ARHGEF10L: variants seen among roughly 807,000 people sequenced by gnomAD.
ARHGEF10L encodes rho guanine nucleotide exchange factor 10-like protein.
A neutral mutation model predicts 141.2 loss-of-function variants in ARHGEF10L; 69 were observed. That is an observed-to-expected ratio of 0.49 (90% confidence interval 0.40 to 0.60). ARHGEF10L has a LOEUF of 0.60. Among genes scored for constraint, ARHGEF10L ranks in the 20% least tolerant of loss-of-function variants. ARHGEF10L has a pLI of 0.00. For synonymous variants in ARHGEF10L, 711 were observed against 718.5 expected, an observed-to-expected ratio of 0.99 and a Z score of 0.17; for missense variants, 1,482 against 1,734.3, an observed-to-expected ratio of 0.85 and a Z score of 2.58.
intron 26 of ARHGEF10L, among the ~76,000 whole-genome samples, chr1:17,676,633 G>A (rs749844600): frequency 7.9e-5 from 12 of 151,970 alleles, no homozygotes; most frequent in East Asian, 1.9e-4. Context: ...TGAGGCAGAC[G>A]TGATAGAACA....
rs990138964 is a variant in ARHGEF10L, at chr1:17,656,864, C to T, written c.2860+156C>T. ...GAGATCCGTGAGCCCCGCTGGGGTT[C>T]AATGGGTGGTCCCCCATATGTGAAT... On this transcript the variant is annotated intron_variant, in intron 25 of 28. Coordinates refer to ENST00000361221, the MANE Select transcript of ARHGEF10L (RefSeq NM_018125.4). This position sits in a 1 kb window ranked among gnomAD's most constrained non-coding sequence, Gnocchi z 4.9. 1.3e-5 allele frequency among the ~76,000 whole-genome samples: 2 copies of T among 152,188 alleles called. No homozygotes were observed. Among genetic ancestry groups the T allele is most frequent in the African/African-American group, 4.8e-5 (2 of 41,436 alleles).
chr1:17,585,186 G>A (rs989277503), intron 2 of ARHGEF10L, among the ~76,000 whole-genome samples: 7 of 152,268 alleles, frequency 4.6e-5, no homozygotes, highest in South Asian at 2.1e-4. Flanking sequence ...AACTGCGTCC[G>A]AAAACCACAG....
chr1:17,662,465 G>C (rs139586198), intron 25 of ARHGEF10L, among the ~76,000 whole-genome samples: 1 of 152,330 alleles, frequency 6.6e-6, no homozygotes, highest in South Asian at 2.1e-4. Flanking sequence ...GGACTGCCCT[G>C]CTCTGCCTGC....
chr1:17,669,197 A>G (rs78916876), intron 26 of ARHGEF10L, among the ~76,000 whole-genome samples: 9,575 of 152,224 alleles, frequency 0.063, 800 homozygotes, highest in African/African-American at 0.18. Flanking sequence ...GAGCCGTTCA[A>G]TGCTCCAAGC....
intron 25 of ARHGEF10L, among the ~76,000 whole-genome samples, chr1:17,658,937 G>C (rs953121245): frequency 1.3e-5 from 2 of 152,150 alleles, no homozygotes; most frequent in South Asian, 4.1e-4. Flanking sequence ...AACAGTATAC[G>C]CAAAGGCCCA....
In ARHGEF10L at chr1:17,613,165, C is replaced by T. The variant is rs761799297; in HGVS notation, c.717C>T (p.Tyr239=). 21 of 1,612,654 alleles carry T rather than the reference C, an allele frequency of 1.3e-5. No individual in the cohort carries two copies. The highest frequency in any genetic ancestry group is 1.6e-4 in the Middle Eastern group (1 of 6,076). The change falls in exon 8 of 29, where the codon TAC becomes TAT. Residue 239 remains tyrosine, a synonymous_variant. Coordinates refer to ENST00000361221, the MANE Select transcript of ARHGEF10L (RefSeq NM_018125.4). Reference sequence around the variant, plus strand: ...ACATGCAGGAGCTGAAGCACAAGTACGATTGTAAGGTATTGTCTGTCTGTC... The same window carrying T: ...ACATGCAGGAGCTGAAGCACAAGTATGATTGTAAGGTATTGTCTGTCTGTC... ...GRDMQELKHK[Y]DCKMTQLMKA...
At chr1:17,693,706 C>G (rs1339800) in intron 27 of ARHGEF10L, among the ~76,000 whole-genome samples, 122,328 of 152,196 alleles carry the variant, frequency 0.8, 49,526 homozygotes, top group East Asian at 0.91. Context: ...CTGTTGCAAG[C>G]CTTGTGTCAG....
At chr1:17,579,374 C>T (rs987684939) in intron 1 of ARHGEF10L, among the ~76,000 whole-genome samples, 17 of 152,170 alleles carry the variant, frequency 1.1e-4, no homozygotes, top group African/African-American at 3.9e-4. Context: ...TTGAAAGGTG[C>T]TAGAGTGTAG....
At chr1:17,526,066 T>C in the ARHGEF10L span, among the ~76,000 whole-genome samples, 1 of 148,590 alleles carries the variant, frequency 6.7e-6, no homozygotes, top group Non-Finnish European at 1.5e-5. Context: ...GGGCAATAAC[T>C]CCCCCACTCC....
At chr1:17,576,365 C>T (rs908282401) in intron 1 of ARHGEF10L, among the ~76,000 whole-genome samples, 9 of 152,058 alleles carry the variant, frequency 5.9e-5, no homozygotes, top group Admixed American at 2.6e-4. Context: ...GTGCCAATGC[C>T]GGGCTGCTCT....
intron 1 of ARHGEF10L, among the ~76,000 whole-genome samples, chr1:17,548,646 CTTT>C (rs892480738): frequency 3.4e-5 from 3 of 88,320 alleles, no homozygotes; most frequent in Admixed American, 1.3e-4. Flanking sequence ...CAAAATAATT[CTTT>C]TTTTTTTTTT....
In ARHGEF10L at chr1:17,564,098, C is replaced by T. The variant is rs544581409; in HGVS notation, c.-43-16455C>T. Among the ~76,000 whole-genome samples, 27 of 152,306 alleles carry T rather than the reference C, an allele frequency of 1.8e-4. No individual in the cohort carries two copies. In the East Asian group the frequency reaches 4.2e-3, roughly 24 times the overall value. On this transcript the variant is annotated intron_variant, in intron 1 of 28. Transcript: ENST00000361221. The stretch of plus-strand genomic sequence containing the variant: ...ATCATCGTTATCCTCAGCCACAGAG[C>T]GGGAGGGTGCTGGCTCTGGCACAGC...
chr1:17,520,733 G>A, the ARHGEF10L span, among the ~76,000 whole-genome samples: 1 of 152,218 alleles, frequency 6.6e-6, no homozygotes, highest in African/African-American at 2.4e-5. Flanking sequence ...GAACGGCAGA[G>A]GTGGACTGCA....
At chr1:17,540,040 G>A (rs549412306) in intron 1 of ARHGEF10L, 90 bp downstream of exon 1, 1 of 152,024 alleles carries the variant, frequency 6.6e-6, no homozygotes, top group Non-Finnish European at 1.5e-5. Flanking sequence ...CAGGCGCCAG[G>A]GTCCTCCGGG....
intron 19 of ARHGEF10L, 84 bp from the exon 20 acceptor site, chr1:17,638,478 G>C (rs531655363): frequency 1.9e-6 from 3 of 1,572,620 alleles, no homozygotes; most frequent in Non-Finnish European, 2.6e-6. Flanking sequence ...TTCCTCTGGG[G>C]TGCTGTGATT....
At chr1:17,640,143 G>C in intron 20 of ARHGEF10L, 59 bp from the exon 21 acceptor site, 1 of 1,563,472 alleles carries the variant, frequency 6.4e-7, no homozygotes. Context: ...CGTGACAGCT[G>C]GGGGAGCCTG....
intron 9 of ARHGEF10L, among the ~76,000 whole-genome samples, chr1:17,617,242 T>C (rs1237067984): frequency 6.6e-6 from 1 of 152,252 alleles, no homozygotes; most frequent in African/African-American, 2.4e-5. Flanking sequence ...TGGTCAGATT[T>C]GATCAATTGA....
At position 17,579,305 on chromosome 1, in the gene ARHGEF10L, A is replaced by G. The variant is rs112182624; in HGVS notation, c.-43-1248A>G. 3.2e-3 allele frequency among the ~76,000 whole-genome samples: 484 copies of G among 152,254 alleles called. 2 individuals are homozygous for G. The highest frequency in any genetic ancestry group is 0.011 in the African/African-American group (447 of 41,558). On this transcript the variant is annotated intron_variant, in intron 1 of 28. Coordinates refer to ENST00000361221, the MANE Select transcript of ARHGEF10L (RefSeq NM_018125.4). ...CAAAGTGCTGAGATACAGGCGTGAG[A>G]CACTGTGCCCGGCTCGGAGACTAAC...
In ARHGEF10L at chr1:17,662,807, C is replaced by T. The variant is rs187392083; in HGVS notation, c.2861-1640C>T. On this transcript the variant is annotated intron_variant, in intron 25 of 28. Coordinates refer to ENST00000361221, the MANE Select transcript of ARHGEF10L (RefSeq NM_018125.4). ...GGCTTTGGAGACAGCTGTGCCCCAT[C>T]GTGCCACCAAGCAGCTGGCTCAGAG... is the stretch of plus-strand genomic sequence containing the variant. Among the ~76,000 whole-genome samples the T allele has an allele frequency of 2.8e-4, 43 of 152,276 alleles. 1 individual carries two copies. The East Asian group carries it at 6.4e-3, about 23-fold the overall frequency.
Sources: gnomAD v4.1 joint callset for allele counts (sites outside exome capture counted in the v4.1 genomes callset) on GRCh38, gnomAD v4.1.1 for gene constraint, Gnocchi (gnomAD v3.1) non-coding constraint, MANE v1.5 for transcripts, NCBI Gene and HGNC (gene_info 2026-07-23, HGNC 2026-07-21) for gene names.